Variants in CADM1 observed in about 807,000 individuals in gnomAD.
CADM1 encodes cell adhesion molecule 1.
CADM1 carries 15 observed loss-of-function variants against 53.1 expected under a neutral mutation model. The ratio of observed to expected loss-of-function variants is 0.28; its 90% CI spans 0.19 to 0.44. CADM1 has a LOEUF of 0.44. Among genes scored for constraint, CADM1 ranks in the 20% least tolerant of loss-of-function variants. The probability of loss-of-function intolerance (pLI) is 1.00; values close to 1 mark genes in which losing one functional copy is unlikely to be tolerated. For synonymous variants in CADM1, 281 were observed against 243.0 expected (o/e 1.16, Z -1.45); for missense variants, 434 against 611.3 (o/e 0.71, Z 3.06).
intron 1 of CADM1, among the ~76,000 whole-genome samples, chr11:115,294,987 C>T (rs4938197): frequency 7.2e-5 from 11 of 152,052 alleles, no homozygotes; most frequent in African/African-American, 2.4e-4. Flanking sequence ...TGCAGTGAGC[C>T]GAGATCACGC....
chr11:115,256,410 T>C (rs947560552), intron 1 of CADM1, among the ~76,000 whole-genome samples: 33 of 152,216 alleles, frequency 2.2e-4, no homozygotes, highest in Admixed American at 5.9e-4. Context: ...TCACACAGCC[T>C]CTTAATGAAT....
At chr11:115,251,881 CA>C (rs751703139) in intron 1 of CADM1, among the ~76,000 whole-genome samples, 27 of 152,094 alleles carry the variant, frequency 1.8e-4, no homozygotes, top group Non-Finnish European at 2.2e-4. Context: ...GTCAGTGGAC[CA>C]AAGAGATTCC....
chr11:115,184,839 T>C (rs902646931), intron 10 of CADM1, among the ~76,000 whole-genome samples: 2 of 152,374 alleles, frequency 1.3e-5, no homozygotes, highest in African/African-American at 4.8e-5. Context: ...ATTTTGGCTG[T>C]ACCTTGTCAC....
chr11:115,270,735 C>T (rs907219701), intron 1 of CADM1, among the ~76,000 whole-genome samples: 1 of 152,170 alleles, frequency 6.6e-6, no homozygotes, highest in Non-Finnish European at 1.5e-5. Context: ...CCAATAAAAA[C>T]GTTGGTATGG....
At chr11:115,398,004 T>G (rs891937519) in intron 1 of CADM1, among the ~76,000 whole-genome samples, 4 of 151,648 alleles carry the variant, frequency 2.6e-5, no homozygotes, top group African/African-American at 9.8e-5. Context: ...TACAAGAGTA[T>G]CATTACTCAT....
intron 1 of CADM1, among the ~76,000 whole-genome samples, chr11:115,466,211 G>C (rs974922514): frequency 1.5e-4 from 23 of 152,200 alleles, no homozygotes; most frequent in Admixed American, 7.2e-4. Flanking sequence ...CTGTCCACCA[G>C]AGTGAATGAA....
chr11:115,469,804 T>C (rs1464720956), intron 1 of CADM1, among the ~76,000 whole-genome samples: 3 of 151,446 alleles, frequency 2.0e-5, no homozygotes, highest in Non-Finnish European at 2.9e-5. Flanking sequence ...CCCGAGAAGC[T>C]GGGATTACAG....
At chr11:115,264,852 TC>T (rs1943086648) in intron 1 of CADM1, among the ~76,000 whole-genome samples, 1 of 152,204 alleles carries the variant, frequency 6.6e-6, no homozygotes, top group South Asian at 2.1e-4. Context: ...TATCCTTCTT[TC>T]CACACCTACA....
intron 1 of CADM1, among the ~76,000 whole-genome samples, chr11:115,280,821 G>A (rs1158100737): frequency 1.3e-5 from 2 of 152,186 alleles, no homozygotes; most frequent in African/African-American, 2.4e-5. Flanking sequence ...CTTTATCAAC[G>A]AGTTTACTTA....
intron 1 of CADM1, among the ~76,000 whole-genome samples, chr11:115,398,372 C>G (rs1272890466): frequency 2.0e-5 from 3 of 152,184 alleles, no homozygotes; most frequent in African/African-American, 7.2e-5. Flanking sequence ...CTTGTCAGGC[C>G]TTATGCCACT....
At chr11:115,309,112 T>C (rs927664872) in intron 1 of CADM1, among the ~76,000 whole-genome samples, 1 of 152,104 alleles carries the variant, frequency 6.6e-6, no homozygotes, top group African/African-American at 2.4e-5. Flanking sequence ...TCTTTATTCT[T>C]ATACAAGCTA....
At position 115,178,716 on chromosome 11, in the gene CADM1, C is replaced by T. The variant is rs867859915; in HGVS notation, c.1225G>A (p.Val409Ile). 18 of 1,613,702 alleles carry T rather than the reference C, an allele frequency of 1.1e-5. No individual in the cohort carries two copies. Among genetic ancestry groups the T allele is most frequent in the Middle Eastern group, 3.3e-4 (2 of 6,084 alleles). Reference protein sequence around the residue: ...RAVDHAVIGGVVAVVVFAMLC... With the variant: ...RAVDHAVIGGIVAVVVFAMLC... Reference sequence around the variant, plus strand: ...ATGGCGAACACCACCACCGCCACGACGCCACCGATCACGGCATGATCCACT... The same window carrying T: ...ATGGCGAACACCACCACCGCCACGATGCCACCGATCACGGCATGATCCACT... The change falls in exon 11 of 12, where the codon GTC (valine) becomes ATC (isoleucine). Residue 409 changes from valine to isoleucine, a missense_variant. Val to Ile is a conservative substitution (Grantham distance 29, BLOSUM62 3). Coordinates refer to ENST00000331581, the MANE Select transcript of CADM1 (RefSeq NM_001301043.2).
At chr11:115,328,136 AT>A (rs773272382) in intron 1 of CADM1, among the ~76,000 whole-genome samples, 17 of 148,930 alleles carry the variant, frequency 1.1e-4, no homozygotes, top group African/African-American at 3.9e-4. Flanking sequence ...TTGACCTCCG[AT>A]TTTTTTTTTA....
At chr11:115,311,757 T>C (rs1228818485) in intron 1 of CADM1, among the ~76,000 whole-genome samples, 1 of 152,126 alleles carries the variant, frequency 6.6e-6, no homozygotes, top group Non-Finnish European at 1.5e-5. Flanking sequence ...TTTTTCATGT[T>C]ATCATTTTTA....
intron 1 of CADM1, among the ~76,000 whole-genome samples, chr11:115,363,123 C>T (rs1244577175): frequency 6.6e-6 from 1 of 152,208 alleles, no homozygotes; most frequent in Non-Finnish European, 1.5e-5. Flanking sequence ...GGCTGAGGCT[C>T]TTTAGCCTCT....
intron 9 of CADM1, among the ~76,000 whole-genome samples, chr11:115,195,821 T>C (rs1370495758): frequency 6.6e-6 from 1 of 152,222 alleles, no homozygotes; most frequent in East Asian, 1.9e-4. Flanking sequence ...CATTACAGCT[T>C]CTTTGCTGTG....
At chr11:115,429,188 CAAAG>C (rs955511258) in intron 1 of CADM1, among the ~76,000 whole-genome samples, 76 of 151,670 alleles carry the variant, frequency 5.0e-4, no homozygotes, top group African/African-American at 1.5e-3. Context: ...AAGCAGAGAG[CAAAG>C]AAACAGAAAA....
At chr11:115,249,069 G>A (rs762839079) in intron 1 of CADM1, among the ~76,000 whole-genome samples, 9 of 152,210 alleles carry the variant, frequency 5.9e-5, no homozygotes, top group Admixed American at 1.3e-4. Context: ...TTGATTCTGT[G>A]ATGCTCGTTT....
intron 10 of CADM1, among the ~76,000 whole-genome samples, chr11:115,188,052 A>G (rs1939661840): frequency 6.6e-6 from 1 of 152,064 alleles, no homozygotes; most frequent in African/African-American, 2.4e-5. Context: ...CTGGAGGGCC[A>G]TTTTCTGGCA....
Sources: gnomAD v4.1 joint callset for allele counts (sites outside exome capture counted in the v4.1 genomes callset) on GRCh38, gnomAD v4.1.1 for gene constraint, MANE v1.5 for transcripts, NCBI Gene and HGNC (gene_info 2026-07-23, HGNC 2026-07-21) for gene names.